The following ATP10A variants were observed in gnomAD, a reference collection of about 807,000 sequenced individuals.
ATP10A encodes the protein ATPase phospholipid transporting 10A (putative).
Under a neutral mutation model 147.8 loss-of-function variants are expected in ATP10A, and 111 were observed. The observed-to-expected ratio is 0.75, with a 90% CI of 0.64 to 0.88. ATP10A has a LOEUF of 0.88. Among genes scored for constraint, ATP10A ranks in the 40% least tolerant of loss-of-function variants. The pLI, the probability that ATP10A is intolerant of heterozygous loss-of-function variation, is 0.00. For missense variants in ATP10A, 1,927 were observed against 1,959.0 expected (o/e 0.98, Z 0.31); for synonymous variants, 875 against 841.6 (o/e 1.04, Z -0.69).
chr15:25,861,145 A>T (rs1893742275), intron 1 of ATP10A, among the ~76,000 whole-genome samples: 1 of 120,468 alleles, frequency 8.3e-6, no homozygotes, highest in Non-Finnish European at 2.0e-5. Context: ...GCTTGGGAGC[A>T]GGCAGAGTGG....
chr15:25,833,708 C>T lies in ATP10A; in HGVS notation c.449+28940G>A, dbSNP rs183341149. ...CTTAAAATCTACTCTCAGCCGGGTG[C>T]CGTGGCTCACGCCTGTAATCCCAAC... is the stretch of plus-strand genomic sequence containing the variant. On this transcript the variant is annotated intron_variant, in intron 1 of 20. Coordinates refer to ENST00000555815, the MANE Select transcript of ATP10A (RefSeq NM_024490.4). Among the ~76,000 whole-genome samples the T allele has an allele frequency of 8.5e-5, 13 of 152,336 alleles. No homozygotes were observed. In the East Asian group the frequency reaches 2.5e-3, roughly 29 times the overall value.
chr15:25,714,738 T>C (rs1373592412), intron 9 of ATP10A, among the ~76,000 whole-genome samples: 1 of 152,156 alleles, frequency 6.6e-6, no homozygotes, highest in East Asian at 1.9e-4. Flanking sequence ...AGGCTCACCA[T>C]TGCCTGGCAC....
chr15:25,789,591 T>TGTGTGTGTGA (rs1555470190), intron 1 of ATP10A, among the ~76,000 whole-genome samples: 381 of 151,364 alleles, frequency 2.5e-3, no homozygotes, highest in Middle Eastern at 3.4e-3. Context: ...TGTGTGTGTG[T>TGTGTGTGTGA]GACAGAGACA....
At chr15:25,811,002 G>A (rs1175874753) in intron 1 of ATP10A, among the ~76,000 whole-genome samples, 1 of 152,212 alleles carries the variant, frequency 6.6e-6, no homozygotes, top group Non-Finnish European at 1.5e-5. Flanking sequence ...AAGGAGGCGG[G>A]AGGATCATGT....
rs138742723 is a variant in ATP10A, at chr15:25,714,024, A to T, written c.1994T>A (p.Ile665Asn). 362 of 1,610,792 alleles carry T rather than the reference A, an allele frequency of 2.2e-4. No homozygotes were observed. Among genetic ancestry groups the T allele is most frequent in the Non-Finnish European group, 2.9e-4 (347 of 1,179,898 alleles). ...EERLGQPTSA[I>N]ASNGYSSQAD... ...CTGGCTGCTGTAGCCGTTGCTGGCG[A>T]TGGCCGAGGTGGGCTGGCCCAGCCT... The change falls in exon 10 of 21, where the codon ATC (isoleucine) becomes AAC (asparagine). Residue 665 changes from isoleucine to asparagine, a missense_variant. Coordinates refer to ENST00000555815, the MANE Select transcript of ATP10A (RefSeq NM_024490.4).
chr15:25,713,878 G>C lies in ATP10A; in HGVS notation c.2140C>G (p.Leu714Val). ...ACTTGGTCGTGCAGCCGCTCCACAA[G>C]CACGCAGTTGTAGGCTCTGGCCGCA... ...VYAARAYNCV[L>V]VERLHDQVSV... Residue 714 changes from leucine to valine, a missense_variant, in exon 10 of 21, where the codon CTT becomes GTT. Coordinates refer to ENST00000555815, the MANE Select transcript of ATP10A (RefSeq NM_024490.4). 1.9e-6 allele frequency: 3 copies of C among 1,613,790 alleles called. No individual in the cohort carries two copies. The highest frequency in any genetic ancestry group is 2.5e-6 in the Non-Finnish European group (3 of 1,180,050).
intron 1 of ATP10A, among the ~76,000 whole-genome samples, chr15:25,860,307 G>A (rs534296903): frequency 6.6e-6 from 1 of 152,036 alleles, no homozygotes; most frequent in Non-Finnish European, 1.5e-5. Flanking sequence ...CCAGACTCTT[G>A]TCCTGCACTG....
At chr15:25,798,157 TAGGCAG>T (rs1250158786) in intron 1 of ATP10A, among the ~76,000 whole-genome samples, 3 of 152,136 alleles carry the variant, frequency 2.0e-5, no homozygotes, top group Non-Finnish European at 4.4e-5. Flanking sequence ...TTCACTGACA[TAGGCAG>T]TCTCAGCAAT....
chr15:25,818,652 G>C (rs1891762114), intron 1 of ATP10A, among the ~76,000 whole-genome samples: 2 of 152,104 alleles, frequency 1.3e-5, no homozygotes, highest in South Asian at 4.1e-4. Flanking sequence ...AGCCAAAACA[G>C]TCCTAAGCAA....
chr15:25,778,591 A>T (rs1349635936), intron 2 of ATP10A, among the ~76,000 whole-genome samples: 3 of 151,976 alleles, frequency 2.0e-5, no homozygotes, highest in Non-Finnish European at 4.4e-5. Context: ...ACAATTTTTT[A>T]AAAACCCTCA....
intron 1 of ATP10A, among the ~76,000 whole-genome samples, chr15:25,830,519 C>G (rs1335087581): frequency 6.6e-6 from 1 of 152,190 alleles, no homozygotes; most frequent in East Asian, 1.9e-4. Flanking sequence ...AACCACGCCA[C>G]AAGTTCAAGA....
chr15:25,858,055 C>T (rs1294471031), intron 1 of ATP10A, among the ~76,000 whole-genome samples: 7 of 152,206 alleles, frequency 4.6e-5, no homozygotes, highest in Non-Finnish European at 1.0e-4. Flanking sequence ...TTTTCCACTG[C>T]AACTTGACCT....
chr15:25,843,925 T>C (rs1376322625), intron 1 of ATP10A, among the ~76,000 whole-genome samples: 2 of 152,134 alleles, frequency 1.3e-5, no homozygotes, highest in African/African-American at 4.8e-5. Context: ...CTGCTTCCCA[T>C]GGTCTCGCGG....
At chr15:25,712,605 T>G (rs896869956) in intron 10 of ATP10A, among the ~76,000 whole-genome samples, 9 of 152,230 alleles carry the variant, frequency 5.9e-5, no homozygotes, top group African/African-American at 2.2e-4. Context: ...TGTGTGGATG[T>G]AAACAAGAAT....
chr15:25,800,344 C>A (rs1890880414), intron 1 of ATP10A, among the ~76,000 whole-genome samples: 1 of 152,166 alleles, frequency 6.6e-6, no homozygotes. Context: ...CACCCCACAC[C>A]AACTGAACAC....
chr15:25,729,310 A>G (rs962845759), intron 3 of ATP10A, among the ~76,000 whole-genome samples: 9 of 152,140 alleles, frequency 5.9e-5, no homozygotes, highest in African/African-American at 2.2e-4. Context: ...AATATGGTGA[A>G]ACCCCGTCAC....
chr15:25,816,396 G>A (rs1017633179), intron 1 of ATP10A, among the ~76,000 whole-genome samples: 1 of 151,080 alleles, frequency 6.6e-6, no homozygotes, highest in Non-Finnish European at 1.5e-5. Flanking sequence ...AATTAAAAGT[G>A]GAAAAATATG....
chr15:25,783,920 C>T (rs982667794), intron 1 of ATP10A, among the ~76,000 whole-genome samples: 3 of 152,284 alleles, frequency 2.0e-5, no homozygotes, highest in African/African-American at 7.2e-5. Flanking sequence ...GGCCCCAGCC[C>T]GAGGTCTGAG....
intron 2 of ATP10A, among the ~76,000 whole-genome samples, chr15:25,766,406 G>A (rs898141793): frequency 1.3e-5 from 2 of 152,082 alleles, no homozygotes; most frequent in Non-Finnish European, 2.9e-5. Flanking sequence ...GCTGTAGCCT[G>A]CCTGTATAAT....
Sources: allele counts gnomAD v4.1 joint callset (sites outside exome capture counted in the v4.1 genomes callset), GRCh38; gene constraint gnomAD v4.1.1; transcripts MANE v1.5; gene names NCBI Gene and HGNC (gene_info 2026-07-23, HGNC 2026-07-21).